PSMB7: variants seen among roughly 807,000 people sequenced by gnomAD.
The protein encoded by PSMB7 is proteasome 20S subunit beta 7.
In PSMB7, 5 loss-of-function variants were observed where a neutral mutation model predicts 28.1. The ratio of observed to expected loss-of-function variants is 0.18; its 90% CI spans 0.09 to 0.37. The LOEUF is 0.37. Ranked by LOEUF, PSMB7 falls within the 10% of genes least tolerant of loss-of-function variation. The probability of loss-of-function intolerance (pLI) is 1.00; values close to 1 mark genes in which losing one functional copy is unlikely to be tolerated. For synonymous variants in PSMB7, 122 were observed against 123.7 expected (o/e 0.99, Z 0.09); for missense variants, 275 against 346.2 (o/e 0.79, Z 1.63).
In PSMB7 at chr9:124,353,650, G is replaced by A. The variant is rs1435960684; in HGVS notation, c.782C>T (p.Pro261Leu). The change falls in exon 8 of 8, where the codon CCT becomes CTT. Residue 261 changes from proline to leucine, a missense_variant. Around this residue, in one of 2 missense-constraint regions of PSMB7, gnomAD observed 213 missense variants for 302.4 expected, o/e 0.70. Coordinates refer to ENST00000259457, the MANE Select transcript of PSMB7 (RefSeq NM_002799.4). The stretch of plus-strand genomic sequence containing the variant: ...TTCTTCCAGCACCTCAATCTCCAGA[G>A]GAGTGATTTTCTCAGTGAGGACTGC... ...TTAVLTEKIT[P>L]LEIEVLEETV... 1.9e-6 allele frequency: 3 copies of A among 1,614,074 alleles called. No homozygotes were observed. Among genetic ancestry groups the A allele is most frequent in the Non-Finnish European group, 2.5e-6 (3 of 1,179,948 alleles).
intron 6 of PSMB7, among the ~76,000 whole-genome samples, chr9:124,378,698 T>A (rs1291464624): frequency 2.0e-5 from 3 of 152,194 alleles, no homozygotes; most frequent in Non-Finnish European, 2.9e-5. Context: ...ACATCCCTTC[T>A]TACAAAGAAA....
intron 4 of PSMB7, among the ~76,000 whole-genome samples, chr9:124,411,644 C>A (rs1831028575): frequency 6.6e-6 from 1 of 152,166 alleles, no homozygotes. Context: ...AAGACCCATA[C>A]AAACATAAAG....
intron 6 of PSMB7, among the ~76,000 whole-genome samples, chr9:124,365,751 A>G (rs574075683): frequency 6.6e-6 from 1 of 152,242 alleles, no homozygotes; most frequent in South Asian, 2.1e-4. Context: ...CCTTGTCTCT[A>G]TAAAATAAAA....
intron 5 of PSMB7, among the ~76,000 whole-genome samples, chr9:124,394,406 C>T (rs1830821694): frequency 6.6e-6 from 1 of 152,160 alleles, no homozygotes; most frequent in African/African-American, 2.4e-5. Context: ...GAAACAAGAG[C>T]AGATAAAGAT....
chr9:124,356,271 G>T lies in PSMB7; in HGVS notation c.722+493C>A, dbSNP rs7857897. Among the ~76,000 whole-genome samples, 1 of 152,042 alleles carries T rather than the reference G, an allele frequency of 6.6e-6. No individual in the cohort carries two copies. Among genetic ancestry groups the T allele is most frequent in the Non-Finnish European group, 1.5e-5 (1 of 67,990 alleles). ...CACCACTGAGCCGAGGGGCCCACTC[G>T]GCATGTAGGCTCAGGCTCAATGGCA... On this transcript the variant is annotated intron_variant, in intron 7 of 7. Coordinates refer to ENST00000259457, the MANE Select transcript of PSMB7 (RefSeq NM_002799.4). This position sits in a 1 kb window ranked among gnomAD's most constrained non-coding sequence, Gnocchi z 4.4.
intron 6 of PSMB7, among the ~76,000 whole-genome samples, chr9:124,375,873 T>G (rs1290299047): frequency 6.6e-6 from 1 of 152,168 alleles, no homozygotes; most frequent in Non-Finnish European, 1.5e-5. Flanking sequence ...CAGCGAGTGG[T>G]CACCTTCCTA....
chr9:124,369,619 G>A (rs776254986), intron 6 of PSMB7, among the ~76,000 whole-genome samples: 27 of 152,222 alleles, frequency 1.8e-4, no homozygotes, highest in South Asian at 2.1e-4. Context: ...GGAAATGACC[G>A]CCCAGACAAC....
At chr9:124,396,378 G>T (rs1830844060) in intron 5 of PSMB7, among the ~76,000 whole-genome samples, 1 of 152,142 alleles carries the variant, frequency 6.6e-6, no homozygotes, top group Admixed American at 6.5e-5. Flanking sequence ...TGGCAAATCT[G>T]AACTCCCTAT....
chr9:124,403,886 AT>A (rs35168987), intron 5 of PSMB7, among the ~76,000 whole-genome samples: 61,505 of 138,236 alleles, frequency 0.44, 13,605 homozygotes, highest in East Asian at 0.67. Flanking sequence ...CTGTCCTGAC[AT>A]TTTTTTTTTT....
At chr9:124,372,654 C>T (rs1311513827) in intron 6 of PSMB7, among the ~76,000 whole-genome samples, 3 of 152,102 alleles carry the variant, frequency 2.0e-5, no homozygotes, top group East Asian at 3.9e-4. Context: ...TCAACCCTTC[C>T]CCAAAATATG....
chr9:124,363,277 C>T (rs1168170350), intron 6 of PSMB7, among the ~76,000 whole-genome samples: 1 of 152,172 alleles, frequency 6.6e-6, no homozygotes, highest in South Asian at 2.1e-4. Context: ...GGTCTGAACA[C>T]GATGTGTTTG....
intron 6 of PSMB7, among the ~76,000 whole-genome samples, chr9:124,363,909 G>C (rs1200752281): frequency 1.3e-5 from 2 of 152,140 alleles, no homozygotes; most frequent in African/African-American, 4.8e-5. Context: ...GCCACAATGG[G>C]CTGGAAAAGG....
intron 6 of PSMB7, among the ~76,000 whole-genome samples, chr9:124,374,664 A>AT (rs1169714186): frequency 3.3e-5 from 5 of 151,750 alleles, no homozygotes; most frequent in Non-Finnish European, 7.4e-5. Flanking sequence ...TTATCTAAAA[A>AT]TTTTTTTTTA....
intron 5 of PSMB7, among the ~76,000 whole-genome samples, chr9:124,397,327 C>G (rs1341994555): frequency 6.6e-6 from 1 of 152,214 alleles, no homozygotes; most frequent in Non-Finnish European, 1.5e-5. Context: ...GGTTTTAGGG[C>G]AGAAACTGTC....
chr9:124,387,038 A>C (rs1014946290), intron 5 of PSMB7, among the ~76,000 whole-genome samples: 3 of 152,156 alleles, frequency 2.0e-5, no homozygotes, highest in Non-Finnish European at 4.4e-5. Flanking sequence ...CAAGGTGAGG[A>C]GATTGAGACC....
At chr9:124,398,806 A>C (rs1481355971) in intron 5 of PSMB7, among the ~76,000 whole-genome samples, 1 of 152,210 alleles carries the variant, frequency 6.6e-6, no homozygotes, top group Non-Finnish European at 1.5e-5. Flanking sequence ...TTCAAATCCC[A>C]GCTTTGTCAC....
At chr9:124,370,849 A>G (rs1830555428) in intron 6 of PSMB7, among the ~76,000 whole-genome samples, 1 of 152,220 alleles carries the variant, frequency 6.6e-6, no homozygotes, top group Non-Finnish European at 1.5e-5. Flanking sequence ...CACAGGTACT[A>G]CATTTAAATA....
At chr9:124,387,071 C>T (rs989231457) in intron 5 of PSMB7, among the ~76,000 whole-genome samples, 1 of 152,070 alleles carries the variant, frequency 6.6e-6, no homozygotes, top group East Asian at 1.9e-4. Flanking sequence ...ACAGTGAAAC[C>T]CTGTCTCTAC....
intron 5 of PSMB7, among the ~76,000 whole-genome samples, chr9:124,385,231 T>G (rs1830707275): frequency 6.6e-6 from 1 of 152,264 alleles, no homozygotes; most frequent in Admixed American, 6.5e-5. Flanking sequence ...GGCATTTATT[T>G]GGAGCTATTA....
Sources: allele counts gnomAD v4.1 joint callset (sites outside exome capture counted in the v4.1 genomes callset), GRCh38; gene constraint gnomAD v4.1.1; regional missense constraint gnomAD v4.1.1; non-coding constraint Gnocchi (gnomAD v3.1); transcripts MANE v1.5; gene names NCBI Gene and HGNC (gene_info 2026-07-23, HGNC 2026-07-21).